The following SP4 variants were observed in gnomAD, a reference collection of about 807,000 sequenced individuals.
The protein encoded by SP4 is Sp4 transcription factor.
In SP4, 19 loss-of-function variants were observed where a neutral mutation model predicts 72.8. The ratio of observed to expected loss-of-function variants is 0.26; its 90% CI spans 0.18 to 0.38. The LOEUF is 0.38. Among genes scored for constraint, SP4 ranks in the 10% least tolerant of loss-of-function variants. The probability of loss-of-function intolerance (pLI) is 1.00; values close to 1 mark genes in which losing one functional copy is unlikely to be tolerated. For missense variants in SP4, 1,008 were observed against 926.3 expected (o/e 1.09, Z -1.14); for synonymous variants, 395 against 333.1 (o/e 1.19, Z -2.02).
In SP4 at chr7:21,512,707, C is replaced by G. The variant is rs1236243330; in HGVS notation, c.*1438C>G. ...CTCCTGAGTAGCTGGGATTAACAGGCGCCTGCCACCATGCCTGGCTAATTT... is the reference window on the plus strand; with the variant it reads ...CTCCTGAGTAGCTGGGATTAACAGGGGCCTGCCACCATGCCTGGCTAATTT... On this transcript the variant is annotated 3_prime_UTR_variant, in exon 6 of 6. Coordinates refer to ENST00000222584, the MANE Select transcript of SP4 (RefSeq NM_003112.5). The G allele has an allele frequency of 6.6e-6, 1 of 152,076 alleles. No homozygotes were observed. The highest frequency in any genetic ancestry group is 1.5e-5 in the Non-Finnish European group (1 of 68,078). The allele number at this position is 152,076 out of a possible 1,614,324, so 9.4% of individuals were successfully genotyped here. A position where few individuals can be genotyped will look rare whatever the true frequency, so the allele number is the denominator to read the frequency against.
intron 5 of SP4, among the ~76,000 whole-genome samples, chr7:21,493,962 C>T (rs969218757): frequency 6.6e-6 from 1 of 152,058 alleles, no homozygotes. Flanking sequence ...TTACGTAGTA[C>T]AGTTTATTCC....
Position 21,430,292 on chromosome 7 carries a change from G to A in SP4, c.1127G>A (p.Ser376Asn). Residue 376 changes from serine (S) to asparagine (N), a missense_variant, in exon 3 of 6, where the codon AGT (serine) becomes AAT (asparagine). Physicochemically the swap from Ser to Asn is conservative, Grantham distance 46 (BLOSUM62 1). Coordinates refer to ENST00000222584, the MANE Select transcript of SP4 (RefSeq NM_003112.5). ...ACTGAGTCTGAAGCCCAGAGCTCCA[G>A]TCAGCTTCAGCCTAATGGAATGCAG... ...AATESEAQSS[S>N]QLQPNGMQNA... 6.2e-7 allele frequency: 1 copy of A among 1,614,242 alleles called. No individual in the cohort carries two copies. The highest frequency in any genetic ancestry group is 1.6e-4 in the Middle Eastern group (1 of 6,062).
chr7:21,507,543 C>T (rs1029213440), intron 5 of SP4, among the ~76,000 whole-genome samples: 1 of 152,124 alleles, frequency 6.6e-6, no homozygotes, highest in African/African-American at 2.4e-5. Context: ...TTTTCTTCTT[C>T]TTTAAGTGGG....
At chr7:21,449,974 AG>A in intron 3 of SP4, among the ~76,000 whole-genome samples, 1 of 152,084 alleles carries the variant, frequency 6.6e-6, no homozygotes, top group East Asian at 1.9e-4. Flanking sequence ...TTCTCCATCT[AG>A]CAAAACTAAA....
At chr7:21,458,920 A>T (rs1047413303) in intron 3 of SP4, among the ~76,000 whole-genome samples, 1 of 152,184 alleles carries the variant, frequency 6.6e-6, no homozygotes, top group Non-Finnish European at 1.5e-5. Flanking sequence ...CTATGGAGTT[A>T]GACTGATCCA....
intron 5 of SP4, among the ~76,000 whole-genome samples, chr7:21,484,916 TA>T (rs930443152): frequency 2.0e-5 from 3 of 151,576 alleles, no homozygotes; most frequent in Admixed American, 6.6e-5. Flanking sequence ...GGCATATCTT[TA>T]AAAAAAAGAT....
At chr7:21,431,970 C>A (rs1007743303) in intron 3 of SP4, among the ~76,000 whole-genome samples, 1 of 152,120 alleles carries the variant, frequency 6.6e-6, no homozygotes, top group African/African-American at 2.4e-5. Context: ...CAGATAAAGC[C>A]TTCTGATTCA....
Position 21,430,771 on chromosome 7 carries a change from G to A in SP4, c.1606G>A (p.Val536Met), listed in dbSNP as rs753158382. The stretch of plus-strand genomic sequence containing the variant: ...TGCATCAGTGCCTAACCTTCAGACA[G>A]TGAGCGTTGCCAACCTGGGTGCTGC... The part of the protein sequence containing the change: ...QLASVPNLQT[V>M]SVANLGAAGV... The change falls in exon 3 of 6, where the codon GTG becomes ATG. Residue 536 changes from valine (V) to methionine (M), a missense_variant. Physicochemically the swap from Val to Met is conservative, Grantham distance 21. This residue lies in a region of SP4 where 893 missense variants were observed against 743.3 expected (regional missense o/e 1.20). Transcript: ENST00000222584. 1.9e-6 allele frequency: 3 copies of A among 1,614,212 alleles called. No homozygotes were observed. The highest frequency in any genetic ancestry group is 2.5e-6 in the Non-Finnish European group (3 of 1,180,036).
chr7:21,494,317 T>C (rs1468573014), intron 5 of SP4, among the ~76,000 whole-genome samples: 3 of 152,176 alleles, frequency 2.0e-5, no homozygotes, highest in Non-Finnish European at 2.9e-5. Context: ...ATAAAAGACA[T>C]ACAGATTCTA....
At chr7:21,499,049 C>T (rs896776730) in intron 5 of SP4, among the ~76,000 whole-genome samples, 3 of 142,954 alleles carry the variant, frequency 2.1e-5, no homozygotes, top group African/African-American at 5.3e-5. Flanking sequence ...CACTGCACTC[C>T]AGCCTGGGCG....
Position 21,428,803 on chromosome 7 carries a change from A to G in SP4, c.123+11A>G, listed in dbSNP as rs1583364718. On this transcript the variant is annotated intron_variant, in intron 2 of 5. Transcript: ENST00000222584. The stretch of plus-strand genomic sequence containing the variant: ...ACCTCAGGCTCCCAGGTAAAAGCAA[A>G]CAAATTAAAAAAATTCATCACGACA... 2 of 1,543,246 alleles carry G rather than the reference A, an allele frequency of 1.3e-6. No individual in the cohort carries two copies. The highest frequency in any genetic ancestry group is 1.7e-6 in the Non-Finnish European group (2 of 1,143,798).
chr7:21,448,277 AG>A, intron 3 of SP4, among the ~76,000 whole-genome samples: 1 of 96,804 alleles, frequency 1.0e-5, no homozygotes, highest in Non-Finnish European at 2.3e-5. Context: ...TTTTTAAAAA[AG>A]AAAATTGTGC....
At position 21,430,814 on chromosome 7, in the gene SP4, G is replaced by A; in HGVS notation, c.1649G>A (p.Gly550Glu). ...NLGAAGVQVQ[G>E]VPVTITSVAG... ...GGTGCTGCAGGTGTTCAAGTGCAGG[G>A]AGTTCCCGTTACAATCACTAGTGTT... Residue 550 changes from glycine to glutamate, a missense_variant, in exon 3 of 6, where the codon GGA (glycine) becomes GAA (glutamate). Coordinates refer to ENST00000222584, the MANE Select transcript of SP4 (RefSeq NM_003112.5). The A allele has an allele frequency of 6.2e-7, 1 of 1,613,034 alleles. No individual in the cohort carries two copies. Among genetic ancestry groups the A allele is most frequent in the Non-Finnish European group, 8.5e-7 (1 of 1,179,254 alleles).
chr7:21,440,862 ACAACAACAACAACAACAACAACAACAG>A (rs1453440147), intron 3 of SP4, among the ~76,000 whole-genome samples: 4 of 63,068 alleles, frequency 6.3e-5, no homozygotes, highest in African/African-American at 1.3e-4. Context: ...AACAACAACA[ACAACAACAACAACAACAACAACAACAG>A]CAGCAAACAG....
chr7:21,495,211 A>C (rs117374418), intron 5 of SP4, among the ~76,000 whole-genome samples: 7,684 of 152,204 alleles, frequency 0.05, 197 homozygotes, highest in Non-Finnish European at 0.056. Flanking sequence ...AGTGTAATCC[A>C]TAAAAGAAAA....
rs1260867817 is a variant in SP4, at chr7:21,491,151, C to G, written c.2107+9028C>G. ...AGCTCTTATAGCCATGATCCATGGA[C>G]TAAAGATAAGCGTGACTGAAATCAA... is the stretch of plus-strand genomic sequence containing the variant. On this transcript the variant is annotated intron_variant, in intron 5 of 5. Coordinates refer to ENST00000222584, the MANE Select transcript of SP4 (RefSeq NM_003112.5). Among the ~76,000 whole-genome samples, 5 of 151,824 alleles carry G rather than the reference C, an allele frequency of 3.3e-5. No homozygotes were observed. In the South Asian group the frequency reaches 6.2e-4, roughly 19 times the overall value.
intron 3 of SP4, among the ~76,000 whole-genome samples, chr7:21,470,337 ATAT>A (rs1333139485): frequency 6.6e-6 from 1 of 152,178 alleles, no homozygotes; most frequent in Non-Finnish European, 1.5e-5. Flanking sequence ...TTTATGACTA[ATAT>A]TATGATGGAG....
At chr7:21,452,783 AT>A (rs1210906365) in intron 3 of SP4, among the ~76,000 whole-genome samples, 8,518 of 136,736 alleles carry the variant, frequency 0.062, 428 homozygotes, top group African/African-American at 0.16. Context: ...TTTACTCATT[AT>A]TTTTTTTTTT....
At chr7:21,451,167 C>T (rs1226494132) in intron 3 of SP4, among the ~76,000 whole-genome samples, 1 of 152,142 alleles carries the variant, frequency 6.6e-6, no homozygotes, top group Non-Finnish European at 1.5e-5. Flanking sequence ...CCTTACCAGT[C>T]TAGTGCTCAT....
Sources: gnomAD v4.1 joint callset for allele counts (sites outside exome capture counted in the v4.1 genomes callset) on GRCh38, gnomAD v4.1.1 for gene constraint, gnomAD v4.1.1 regional missense constraint, MANE v1.5 for transcripts, NCBI Gene and HGNC (gene_info 2026-07-23, HGNC 2026-07-21) for gene names.